CACNA2D3: variants seen among roughly 807,000 people sequenced by gnomAD.
The protein encoded by CACNA2D3 is voltage-dependent calcium channel subunit alpha-2/delta-3.
Under a neutral mutation model 160.6 loss-of-function variants are expected in CACNA2D3, and 60 were observed. The observed-to-expected ratio is 0.37, with a 90% CI of 0.30 to 0.46. The LOEUF is 0.46. Among genes scored for constraint, CACNA2D3 ranks in the 20% least tolerant of loss-of-function variants. CACNA2D3 has a pLI of 1.00. For missense variants in CACNA2D3, 1,205 were observed against 1,365.0 expected, an observed-to-expected ratio of 0.88 and a Z score of 1.85; for synonymous variants, 558 against 492.9, an observed-to-expected ratio of 1.13 and a Z score of -1.75.
chr3:54,474,956 A>G (rs1700803085), intron 4 of CACNA2D3, among the ~76,000 whole-genome samples: 1 of 152,186 alleles, frequency 6.6e-6, no homozygotes, highest in Non-Finnish European at 1.5e-5. Context: ...CTAGGAAATC[A>G]TTTTATAGCC....
At chr3:54,403,105 A>C (rs1293050744) in intron 4 of CACNA2D3, among the ~76,000 whole-genome samples, 1 of 152,134 alleles carries the variant, frequency 6.6e-6, no homozygotes, top group Admixed American at 6.6e-5. Context: ...TCACACCTAT[A>C]ATCCCAGCAC....
At chr3:54,920,295 G>A (rs1426111430) in intron 27 of CACNA2D3, among the ~76,000 whole-genome samples, 1 of 152,140 alleles carries the variant, frequency 6.6e-6, no homozygotes, top group Non-Finnish European at 1.5e-5. Flanking sequence ...TAAGTAGATA[G>A]GGCCTATCTT....
At chr3:54,687,121 C>CTTTTTCTTTTTCTTTTTTTTTTTTTT in intron 11 of CACNA2D3, among the ~76,000 whole-genome samples, 5 of 94,932 alleles carry the variant, frequency 5.3e-5, no homozygotes, top group African/African-American at 8.0e-5. Context: ...TTTTCTTTTT[C>CTTTTTCTTTTTCTTTTTTTTTTTTTT]TTTTTTTTTT....
chr3:54,383,674 C>A (rs114228333), intron 3 of CACNA2D3, among the ~76,000 whole-genome samples: 1 of 151,904 alleles, frequency 6.6e-6, no homozygotes, highest in African/African-American at 2.4e-5. Context: ...AAGGATGACA[C>A]GCAAATTCGC....
At chr3:54,732,669 A>G (rs957457709) in intron 11 of CACNA2D3, among the ~76,000 whole-genome samples, 4 of 152,122 alleles carry the variant, frequency 2.6e-5, no homozygotes, top group Non-Finnish European at 4.4e-5. Flanking sequence ...GTACTTTCTC[A>G]TTCTCTCAGT....
intron 2 of CACNA2D3, among the ~76,000 whole-genome samples, chr3:54,316,098 C>A (rs900116853): frequency 1.3e-5 from 2 of 149,122 alleles, no homozygotes; most frequent in Non-Finnish European, 3.0e-5. Flanking sequence ...TGTGTGTGCA[C>A]GTGTGTGTGA....
intron 2 of CACNA2D3, among the ~76,000 whole-genome samples, chr3:54,157,847 A>C (rs4077956): frequency 0.42 from 63,551 of 150,026 alleles, 13,557 homozygotes; most frequent in South Asian, 0.55. Context: ...AAAAAAAAAA[A>C]AAAAAAAAGA....
chr3:54,982,466 G>A (rs116399657), intron 29 of CACNA2D3, among the ~76,000 whole-genome samples: 3,765 of 152,222 alleles, frequency 0.025, 163 homozygotes, highest in African/African-American at 0.086. Flanking sequence ...GTCAACTGGT[G>A]CATGCAGATG....
intron 20 of CACNA2D3, among the ~76,000 whole-genome samples, chr3:54,880,193 C>T (rs1009554463): frequency 2.0e-5 from 3 of 152,148 alleles, no homozygotes; most frequent in African/African-American, 7.2e-5. Flanking sequence ...GTGGGTTTGC[C>T]AAATAGTCTC....
At chr3:54,728,206 A>G (rs1285517911) in intron 11 of CACNA2D3, among the ~76,000 whole-genome samples, 3 of 152,042 alleles carry the variant, frequency 2.0e-5, no homozygotes, top group East Asian at 3.9e-4. Flanking sequence ...TTCTTTAAGA[A>G]TTCCAGTTAT....
At chr3:54,280,754 C>T (rs1348749555) in intron 2 of CACNA2D3, among the ~76,000 whole-genome samples, 2 of 152,154 alleles carry the variant, frequency 1.3e-5, no homozygotes, top group African/African-American at 4.8e-5. Context: ...TTGCTGTTCC[C>T]TCTGCATCAT....
chr3:54,140,144 G>C (rs983870224), intron 2 of CACNA2D3, among the ~76,000 whole-genome samples: 2 of 152,202 alleles, frequency 1.3e-5, no homozygotes, highest in Non-Finnish European at 2.9e-5. Flanking sequence ...TGAATGGGCA[G>C]CAACCATTAT....
intron 24 of CACNA2D3, 52 bp downstream of exon 24, chr3:54,888,104 C>G: frequency 1.5e-6 from 2 of 1,304,214 alleles, no homozygotes; most frequent in Non-Finnish European, 2.2e-6. Flanking sequence ...ACCAACACTC[C>G]GAAATATGGT....
chr3:54,990,453 C>T (rs1472268809), intron 31 of CACNA2D3, among the ~76,000 whole-genome samples: 3 of 152,168 alleles, frequency 2.0e-5, no homozygotes, highest in Non-Finnish European at 4.4e-5. Flanking sequence ...ATTGCTTGAA[C>T]CTGGGAGGCG....
intron 3 of CACNA2D3, among the ~76,000 whole-genome samples, chr3:54,330,216 G>A (rs1459301789): frequency 2.3e-3 from 49 of 21,168 alleles, no homozygotes; most frequent in African/African-American, 4.5e-3. Context: ...TGATATGTGT[G>A]TGTGTGTGTG....
intron 2 of CACNA2D3, among the ~76,000 whole-genome samples, chr3:54,285,718 C>T (rs1002477255): frequency 6.6e-5 from 10 of 152,298 alleles, no homozygotes; most frequent in East Asian, 1.9e-4. Context: ...GCCGGGAACT[C>T]CTCTGAGACA....
intron 14 of CACNA2D3, among the ~76,000 whole-genome samples, chr3:54,835,357 A>G (rs1207668224): frequency 6.6e-6 from 1 of 152,216 alleles, no homozygotes; most frequent in African/African-American, 2.4e-5. Flanking sequence ...AATCATTAAA[A>G]TAATTATTCA....
At chr3:54,438,079 A>C (rs1175503326) in intron 4 of CACNA2D3, among the ~76,000 whole-genome samples, 2 of 152,198 alleles carry the variant, frequency 1.3e-5, no homozygotes, top group Non-Finnish European at 2.9e-5. Context: ...GTTTCTCTGA[A>C]GATGAAGGCT....
At chr3:54,137,243 TTA>T (rs2107261948) in intron 2 of CACNA2D3, among the ~76,000 whole-genome samples, 1 of 152,340 alleles carries the variant, frequency 6.6e-6, no homozygotes, top group South Asian at 2.1e-4. Flanking sequence ...GTCAGACATT[TTA>T]TCTTTTAAGT....
Sources: gnomAD v4.1 joint callset for allele counts (sites outside exome capture counted in the v4.1 genomes callset) on GRCh38, gnomAD v4.1.1 for gene constraint, MANE v1.5 for transcripts, NCBI Gene and HGNC (gene_info 2026-07-23, HGNC 2026-07-21) for gene names.